ADAM32: variants seen among roughly 807,000 people sequenced by gnomAD.
ADAM32 encodes the protein ADAM metallopeptidase domain 32, also known as disintegrin and metalloproteinase domain-containing protein 32.
Under a neutral mutation model 114.9 loss-of-function variants are expected in ADAM32, and 89 were observed. The ratio of observed to expected loss-of-function variants is 0.77; its 90% CI spans 0.65 to 0.92. The LOEUF is 0.92. Ranked by LOEUF, ADAM32 falls within the 40% of genes least tolerant of loss-of-function variation. The pLI, the probability that ADAM32 is intolerant of heterozygous loss-of-function variation, is 0.00. For missense variants in ADAM32, 870 were observed against 932.8 expected, an observed-to-expected ratio of 0.93 and a Z score of 0.88; for synonymous variants, 285 against 307.5, an observed-to-expected ratio of 0.93 and a Z score of 0.77.
chr8:39,237,324 T>G (rs1189608278), intron 16 of ADAM32, among the ~76,000 whole-genome samples: 2 of 152,158 alleles, frequency 1.3e-5, no homozygotes, highest in African/African-American at 2.4e-5. Context: ...CAGCTCAACC[T>G]TGTAAAAATT....
intron 15 of ADAM32, among the ~76,000 whole-genome samples, chr8:39,232,954 G>T (rs1450075078): frequency 6.6e-6 from 1 of 152,092 alleles, no homozygotes; most frequent in African/African-American, 2.4e-5. Context: ...GAGTGTAGGG[G>T]TTACAACTTT....
intron 3 of ADAM32, among the ~76,000 whole-genome samples, chr8:39,146,248 C>T (rs963166431): frequency 6.6e-6 from 1 of 152,054 alleles, no homozygotes; most frequent in African/African-American, 2.4e-5. Context: ...CAAAGTTGAA[C>T]TTAGACTGGA....
At chr8:39,165,245 T>A (rs376861890) in intron 9 of ADAM32, 49 bp downstream of exon 9, 38 of 1,276,606 alleles carry the variant, frequency 3.0e-5, no homozygotes, top group Non-Finnish European at 3.6e-5. Context: ...AGACCTGTGA[T>A]AATTATGTGG....
At chr8:39,264,993 G>T (rs1167131359) in intron 19 of ADAM32, among the ~76,000 whole-genome samples, 1 of 152,076 alleles carries the variant, frequency 6.6e-6, no homozygotes, top group Non-Finnish European at 1.5e-5. Context: ...ATGTCTGTTA[G>T]GTCTACTTGG....
chr8:39,281,518 T>A (rs1268590546), intron 23 of ADAM32, among the ~76,000 whole-genome samples: 1 of 152,104 alleles, frequency 6.6e-6, no homozygotes, highest in Non-Finnish European at 1.5e-5. Context: ...AAAGGGGAAA[T>A]AGTACTTTTT....
chr8:39,149,249 A>G (rs1006625971), intron 4 of ADAM32, among the ~76,000 whole-genome samples: 2 of 152,088 alleles, frequency 1.3e-5, no homozygotes, highest in African/African-American at 4.8e-5. Flanking sequence ...GCCAATTTGG[A>G]ATATTTATGT....
rs1435411671 is a variant in ADAM32, at chr8:39,150,685, T to C, written c.354-692T>C. Among the ~76,000 whole-genome samples, 5 of 152,114 alleles carry C rather than the reference T, an allele frequency of 3.3e-5. No homozygotes were observed. The South Asian group carries it at 8.3e-4, about 25-fold the overall frequency. On this transcript the variant is annotated intron_variant, in intron 5 of 24. Coordinates refer to ENST00000379907, the MANE Select transcript of ADAM32 (RefSeq NM_145004.7). ...ATGTTCTTCTTCAGTGCTTCCTACA[T>C]AGAAGCCTGAAATTTGGATCTGAAA...
intron 2 of ADAM32, among the ~76,000 whole-genome samples, chr8:39,128,818 T>C (rs1802265115): frequency 6.6e-6 from 1 of 152,172 alleles, no homozygotes; most frequent in Non-Finnish European, 1.5e-5. Flanking sequence ...GAAATTCTTT[T>C]CTATAAGAAT....
At chr8:39,266,349 T>C (rs1812352515) in intron 19 of ADAM32, among the ~76,000 whole-genome samples, 1 of 152,224 alleles carries the variant, frequency 6.6e-6, no homozygotes, top group African/African-American at 2.4e-5. Flanking sequence ...TCTGATATTT[T>C]GTTCATTTAA....
At chr8:39,152,818 C>T (rs1803922181) in intron 6 of ADAM32, among the ~76,000 whole-genome samples, 1 of 152,108 alleles carries the variant, frequency 6.6e-6, no homozygotes, top group East Asian at 1.9e-4. Flanking sequence ...CAATATTTCT[C>T]AACCTCCCTT....
intron 2 of ADAM32, among the ~76,000 whole-genome samples, chr8:39,129,407 T>C (rs569718476): frequency 6.6e-6 from 1 of 152,290 alleles, no homozygotes; most frequent in East Asian, 1.9e-4. Context: ...CAAATTTTAT[T>C]GTAAACGTTT....
At chr8:39,227,498 T>C (rs1809459438) in intron 14 of ADAM32, among the ~76,000 whole-genome samples, 1 of 151,730 alleles carries the variant, frequency 6.6e-6, no homozygotes, top group African/African-American at 2.4e-5. Flanking sequence ...TGGGGCACGG[T>C]GGGAGTGAGA....
chr8:39,146,010 G>C (rs761276158), intron 3 of ADAM32, among the ~76,000 whole-genome samples: 8 of 152,162 alleles, frequency 5.3e-5, no homozygotes, highest in Non-Finnish European at 1.2e-4. Context: ...GGGATTACAG[G>C]AGTGAGCCAC....
chr8:39,283,666 T>A lies in ADAM32; in HGVS notation c.2357+42T>A, dbSNP rs374215136. The A allele has an allele frequency of 1.3e-5, 19 of 1,482,360 alleles. No individual in the cohort carries two copies. In the African/African-American group the frequency reaches 2.3e-4, roughly 18 times the overall value. The allele number at this position is 1,482,360 out of a possible 1,614,324, so 91.8% of individuals were successfully genotyped here. ...GTGTTTCTTAAAATAAATACATGTA[T>A]AAAATTAAAATAAAACTCATAATCC... On this transcript the variant is annotated intron_variant, in intron 24 of 24. Coordinates refer to ENST00000379907, the MANE Select transcript of ADAM32 (RefSeq NM_145004.7).
At chr8:39,257,149 A>G in intron 18 of ADAM32, 38 bp from the exon 19 acceptor site, 2 of 1,472,636 alleles carry the variant, frequency 1.4e-6, no homozygotes, top group South Asian at 1.3e-5. Context: ...AGATAGTTTA[A>G]TTTTTTTGTT....
intron 12 of ADAM32, among the ~76,000 whole-genome samples, chr8:39,216,700 C>T (rs1488140271): frequency 1.3e-5 from 2 of 151,948 alleles, no homozygotes; most frequent in Non-Finnish European, 2.9e-5. Context: ...TAACACTGTG[C>T]ACAAACAAAC....
At chr8:39,139,833 A>G (rs535173513) in intron 3 of ADAM32, among the ~76,000 whole-genome samples, 4 of 152,104 alleles carry the variant, frequency 2.6e-5, no homozygotes, top group African/African-American at 7.2e-5. Context: ...ATTTGTTTGT[A>G]TCCTCTTTTA....
At chr8:39,278,023 T>C (rs1407219045) in intron 22 of ADAM32, among the ~76,000 whole-genome samples, 2 of 152,098 alleles carry the variant, frequency 1.3e-5, no homozygotes, top group African/African-American at 4.8e-5. Flanking sequence ...CATGAATGAA[T>C]TGAAAGATGA....
At chr8:39,220,544 G>T (rs1273500010) in intron 12 of ADAM32, among the ~76,000 whole-genome samples, 6 of 151,866 alleles carry the variant, frequency 4.0e-5, no homozygotes, top group Non-Finnish European at 7.4e-5. Flanking sequence ...TTTGATGTAG[G>T]CATTTATTCT....
Sources: allele counts gnomAD v4.1 joint callset (sites outside exome capture counted in the v4.1 genomes callset), GRCh38; gene constraint gnomAD v4.1.1; transcripts MANE v1.5; gene names NCBI Gene and HGNC (gene_info 2026-07-23, HGNC 2026-07-21).